The following NFKBIE variants were observed in gnomAD, a reference collection of about 807,000 sequenced individuals.
NFKBIE encodes the protein NF-kappa-B inhibitor epsilon.
NFKBIE carries 11 observed loss-of-function variants against 31.6 expected under a neutral mutation model. The ratio of observed to expected loss-of-function variants is 0.35; its 90% CI spans 0.22 to 0.58. The LOEUF (loss-of-function observed/expected upper bound fraction) is 0.58, where lower values mean the gene tolerates loss of function less well. Ranked by LOEUF, NFKBIE falls within the 20% of genes least tolerant of loss-of-function variation. NFKBIE has a pLI of 0.83. For synonymous variants in NFKBIE, 208 were observed against 210.1 expected (o/e 0.99, Z 0.09); for missense variants, 354 against 465.7 (o/e 0.76, Z 2.21).
chr6:44,262,552 C>T lies in NFKBIE; in HGVS notation c.468+8G>A, dbSNP rs1186597208. On this transcript the variant is annotated splice_region_variant and intron_variant, in intron 2 of 5. Transcript: ENST00000619360. The stretch of plus-strand genomic sequence containing the variant: ...GGTATCTGGGCATAACATTCTCTCG[C>T]CACCAACCTGGTAAAGGTTATTTTG... 1 of 1,612,700 alleles carries T rather than the reference C, an allele frequency of 6.2e-7. No individual in the cohort carries two copies. The highest frequency in any genetic ancestry group is 8.5e-7 in the Non-Finnish European group (1 of 1,178,812).
At chr6:44,262,805 T>A (rs889481287) in intron 1 of NFKBIE, 143 bp from the exon 2 acceptor site, 1 of 625,388 alleles carries the variant, frequency 1.6e-6, no homozygotes, top group African/African-American at 1.9e-5. Flanking sequence ...GGCCAGGAAG[T>A]GAGGGTTGGT....
intron 1 of NFKBIE, among the ~76,000 whole-genome samples, chr6:44,262,994 C>T (rs1449475120): frequency 6.6e-6 from 1 of 152,186 alleles, no homozygotes; most frequent in Admixed American, 6.5e-5. Flanking sequence ...CAGCTCAAAG[C>T]CAAATTGAAA....
At position 44,258,983 on chromosome 6, in the gene NFKBIE, T is replaced by TG. The variant is rs979905689; in HGVS notation, c.*235dup. ...GCTTCACCCAGGATACCTGGGGCTT[T>TG]GGGGGTCTTCCAAGAAGCCCTGTCC... On this transcript the variant is annotated 3_prime_UTR_variant, in exon 6 of 6. Transcript: ENST00000619360. The TG allele has an allele frequency of 5.1e-6, 2 of 394,908 alleles. No homozygotes were observed. The highest frequency in any genetic ancestry group is 4.8e-6 in the Non-Finnish European group (1 of 208,986). 24.5% of individuals were successfully genotyped at this position (394,908 alleles called of 1,614,324 possible). A position where few individuals can be genotyped will look rare whatever the true frequency, so the allele number is the denominator to read the frequency against.
At chr6:44,262,747 AAACTTT>A in intron 1 of NFKBIE, 85 bp from the exon 2 acceptor site, 1 of 1,009,996 alleles carries the variant, frequency 9.9e-7, no homozygotes, top group Non-Finnish European at 1.6e-6. Context: ...GGAACACATC[AAACTTT>A]AACTAGCTAC....
chr6:44,260,890 C>CACACACACAA lies in NFKBIE; in HGVS notation c.692-352_692-351insTTGTGTGTGT, dbSNP rs1491136566. On this transcript the variant is annotated intron_variant, in intron 3 of 5. Transcript: ENST00000619360. The surrounding 1 kb of genome is among the most constrained non-coding windows in gnomAD (Gnocchi z 5.5). ...ACACACACACACACACACACACACA[C>CACACACACAA]AACCTGCCTTCAAGCCCAGTCTGAA... Among the ~76,000 whole-genome samples, 1 of 141,754 alleles carries CACACACACAA rather than the reference C, an allele frequency of 7.1e-6. No individual in the cohort carries two copies. The highest frequency in any genetic ancestry group is 7.0e-5 in the Admixed American group (1 of 14,332). The allele number at this position is 141,754 out of a possible 152,430, so 93.0% of individuals were successfully genotyped here. A position where few individuals can be genotyped will look rare whatever the true frequency, so the allele number is the denominator to read the frequency against.
Position 44,259,264 on chromosome 6 carries a change from A to G in NFKBIE, c.1041T>C (p.Phe347=), listed in dbSNP as rs766864666. ...LTEESLVLLP[F]DDLKISGKLL... is the part of the protein sequence containing the mutation. The stretch of plus-strand genomic sequence containing the variant: ...GTTTCCCTGAGATCTTCAGGTCATC[A>G]AAGGGCAAAAGGACAAGGGACTGAG... Residue 347 remains phenylalanine (F), a synonymous_variant, in exon 6 of 6, where the codon TTT becomes TTC. Transcript: ENST00000619360. 61 of 1,613,344 alleles carry G rather than the reference A, an allele frequency of 3.8e-5. No individual in the cohort carries two copies. The Admixed American group carries it at 4.0e-4, about 11-fold the overall frequency.
At chr6:44,264,433 G>T (rs1782038863) in intron 1 of NFKBIE, among the ~76,000 whole-genome samples, 1 of 152,198 alleles carries the variant, frequency 6.6e-6, no homozygotes, top group African/African-American at 2.4e-5. Flanking sequence ...AGAGGAGGAA[G>T]TAAGCTGGGG....
chr6:44,259,362 T>C, intron 5 of NFKBIE, 78 bp from the exon 6 acceptor site: 4 of 1,058,176 alleles, frequency 3.8e-6, no homozygotes, highest in South Asian at 1.3e-5. Context: ...CAGGGAAACC[T>C]GTTGGGCCAC....
rs1781847272 is a variant in NFKBIE at position 44,260,263 on chromosome 6, G to C, written c.800C>G (p.Thr267Arg). The change falls in exon 5 of 6, where the codon ACA becomes AGA. Residue 267 changes from threonine to arginine, a missense_variant. Thr to Arg is a moderately conservative substitution (Grantham distance 71). Around this residue, in one of 2 missense-constraint regions of NFKBIE, gnomAD observed 183 missense variants for 310.6 expected, o/e 0.59. Transcript: ENST00000619360. The surrounding 1 kb of genome is among the most constrained non-coding windows in gnomAD (Gnocchi z 5.5). ...GGTTTCCACAGCCAGGTGCAGCGCT[G>C]TCTTACCACTGGTGCCCTCCTGGGG... is the stretch of plus-strand genomic sequence containing the variant. ...IDVQEGTSGK[T>R]ALHLAVETQE... The C allele has an allele frequency of 6.2e-7, 1 of 1,610,706 alleles. No individual in the cohort carries two copies. Among genetic ancestry groups the C allele is most frequent in the African/African-American group, 1.3e-5 (1 of 74,878 alleles).
In NFKBIE at chr6:44,265,238, C is replaced by A; in HGVS notation, c.109G>T (p.Ala37Ser). ...GGGCTGCCGTCCGAGGGCCCGGAGG[C>A]TGGAGCCGAGGTGGACTCGGGTAGG... ...RSLPESTSAP[A>S]SGPSDGSPQP... Residue 37 changes from alanine to serine, a missense_variant, in exon 1 of 6, where the codon GCC becomes TCC. Physicochemically the swap from Ala to Ser is moderately conservative, Grantham distance 99 (BLOSUM62 1). Transcript: ENST00000619360. 1 of 1,552,660 alleles carries A rather than the reference C, an allele frequency of 6.4e-7. No individual in the cohort carries two copies. Among genetic ancestry groups the A allele is most frequent in the South Asian group, 1.2e-5 (1 of 84,172 alleles).
rs1040108263 is a variant in NFKBIE, at chr6:44,258,988, G to A, written c.*231C>T. The stretch of plus-strand genomic sequence containing the variant: ...ACCCAGGATACCTGGGGCTTTGGGG[G>A]TCTTCCAAGAAGCCCTGTCCACCTG... On this transcript the variant is annotated 3_prime_UTR_variant, in exon 6 of 6. Transcript: ENST00000619360. 8 of 404,344 alleles carry A rather than the reference G, an allele frequency of 2.0e-5. No individual in the cohort carries two copies. The highest frequency in any genetic ancestry group is 3.5e-5 in the Admixed American group (1 of 28,728). 25.0% of individuals were successfully genotyped at this position (404,344 alleles called of 1,614,324 possible). A position where few individuals can be genotyped will look rare whatever the true frequency, so the allele number is the denominator to read the frequency against.
rs1310199420 is a variant in NFKBIE at position 44,263,011 on chromosome 6, G to A, written c.366-349C>T. Reference sequence around the variant, plus strand: ...GCTCAAAGCCAAATTGAAAGCTGCCGAAGTAGTCCAGAGGGGGTTTCCAGG... The same window carrying A: ...GCTCAAAGCCAAATTGAAAGCTGCCAAAGTAGTCCAGAGGGGGTTTCCAGG... On this transcript the variant is annotated intron_variant, in intron 1 of 5. Coordinates refer to ENST00000619360, the MANE Select transcript of NFKBIE (RefSeq NM_004556.3). The surrounding 1 kb of genome is among the most constrained non-coding windows in gnomAD (Gnocchi z 5.0). 2.6e-5 allele frequency among the ~76,000 whole-genome samples: 4 copies of A among 152,212 alleles called. No homozygotes were observed. In the South Asian group the frequency reaches 6.2e-4, roughly 24 times the overall value.
rs912032745 is a variant in NFKBIE, at chr6:44,261,166, C to A, written c.691+460G>T. 2.6e-5 allele frequency among the ~76,000 whole-genome samples: 4 copies of A among 152,192 alleles called. No individual in the cohort carries two copies. The highest frequency in any genetic ancestry group is 5.9e-5 in the Non-Finnish European group (4 of 68,040). The stretch of plus-strand genomic sequence containing the variant: ...TAACAATCATATCAACTCTCCTACT[C>A]CCCACATTCCTTCCTCTCACTCTGC... On this transcript the variant is annotated intron_variant, in intron 3 of 5. Transcript: ENST00000619360. The surrounding 1 kb of genome is among the most constrained non-coding windows in gnomAD (Gnocchi z 4.3).
Position 44,261,906 on chromosome 6 carries a change from C to T in NFKBIE, c.469-58G>A, listed in dbSNP as rs1351729582. The T allele has an allele frequency of 6.8e-7, 1 of 1,470,140 alleles. No individual in the cohort carries two copies. The highest frequency in any genetic ancestry group is 1.4e-5 in the African/African-American group (1 of 71,794). 91.1% of individuals were successfully genotyped at this position (1,470,140 alleles called of 1,614,324 possible). A position where few individuals can be genotyped will look rare whatever the true frequency, so the allele number is the denominator to read the frequency against. On this transcript the variant is annotated intron_variant, in intron 2 of 5. Coordinates refer to ENST00000619360, the MANE Select transcript of NFKBIE (RefSeq NM_004556.3). This position sits in a 1 kb window ranked among gnomAD's most constrained non-coding sequence, Gnocchi z 4.3. ...TGCAGCATGCTCCCACCTCTGGGAA[C>T]ATGCTTGGGCTCAAGAATCACCAGC...
Position 44,261,534 on chromosome 6 carries a change from T to C in NFKBIE, c.691+92A>G. On this transcript the variant is annotated intron_variant, in intron 3 of 5. Transcript: ENST00000619360. This position sits in a 1 kb window ranked among gnomAD's most constrained non-coding sequence, Gnocchi z 4.3. The stretch of plus-strand genomic sequence containing the variant: ...GTGGGAGGGGCACCAATGGACAAGC[T>C]GGGACCCTCCCTTCCCCAAGAGTGA... The C allele has an allele frequency of 7.3e-7, 1 of 1,363,812 alleles. No individual in the cohort carries two copies. Among genetic ancestry groups the C allele is most frequent in the Non-Finnish European group, 1.0e-6 (1 of 976,766 alleles). The allele number at this position is 1,363,812 out of a possible 1,614,324, so 84.5% of individuals were successfully genotyped here.
chr6:44,260,862 C>CACACACACACACACACACAG lies in NFKBIE; in HGVS notation c.692-324_692-323insCTGTGTGTGTGTGTGTGTGT, dbSNP rs1781881406. Among the ~76,000 whole-genome samples, 8 of 15,704 alleles carry CACACACACACACACACACAG rather than the reference C, an allele frequency of 5.1e-4. No individual in the cohort carries two copies. Among genetic ancestry groups the CACACACACACACACACACAG allele is most frequent in the South Asian group, 3.7e-3 (1 of 268 alleles). The allele number at this position is 15,704 out of a possible 152,430, so 10.3% of individuals were successfully genotyped here. On this transcript the variant is annotated intron_variant, in intron 3 of 5. Coordinates refer to ENST00000619360, the MANE Select transcript of NFKBIE (RefSeq NM_004556.3). This position sits in a 1 kb window ranked among gnomAD's most constrained non-coding sequence, Gnocchi z 5.5. ...ACACACACACACACACACATACAGA[C>CACACACACACACACACACAG]ACACACACACACACACACACACACA... is the stretch of plus-strand genomic sequence containing the variant.
In NFKBIE at chr6:44,261,477, G is replaced by T; in HGVS notation, c.691+149C>A. ...ATCAAATCATCCATTCATTCATTTG[G>T]CAAAGATGTACTGAATATCTATGTG... On this transcript the variant is annotated intron_variant, in intron 3 of 5. Coordinates refer to ENST00000619360, the MANE Select transcript of NFKBIE (RefSeq NM_004556.3). The surrounding 1 kb of genome is among the most constrained non-coding windows in gnomAD (Gnocchi z 4.3). 1.4e-6 allele frequency: 1 copy of T among 729,656 alleles called. No individual in the cohort carries two copies. Among genetic ancestry groups the T allele is most frequent in the Non-Finnish European group, 2.2e-6 (1 of 444,474 alleles). 45.2% of individuals were successfully genotyped at this position (729,656 alleles called of 1,614,324 possible).
At position 44,265,336 on chromosome 6, in the gene NFKBIE, G is replaced by A. The variant is rs769415987; in HGVS notation, c.11C>T (p.Ala4Val). 3.8e-5 allele frequency: 59 copies of A among 1,554,484 alleles called. No individual in the cohort carries two copies. In the African/African-American group the frequency reaches 7.3e-4, roughly 19 times the overall value. Reference protein sequence around the residue: MSEARKGPDEAEES... With the variant: MSEVRKGPDEAEES... ...CTCCGCCTCGTCCGGCCCCTTCCGC[G>A]CCTCCGACATGCCCGCGGCTCTGGC... Residue 4 changes from alanine (A) to valine (V), a missense_variant, in exon 1 of 6, where the codon GCG (alanine) becomes GTG (valine). By Grantham distance (64) the Ala-to-Val change is moderately conservative. Transcript: ENST00000619360.
At chr6:44,259,348 G>A in intron 5 of NFKBIE, 64 bp from the exon 6 acceptor site, 3 of 1,332,298 alleles carry the variant, frequency 2.3e-6, no homozygotes, top group African/African-American at 2.9e-5. Flanking sequence ...TGGGAAAGGG[G>A]ACCCAGGGAA....
Sources: allele counts gnomAD v4.1 joint callset (sites outside exome capture counted in the v4.1 genomes callset), GRCh38; gene constraint gnomAD v4.1.1; regional missense constraint gnomAD v4.1.1; non-coding constraint Gnocchi (gnomAD v3.1); transcripts MANE v1.5; gene names NCBI Gene and HGNC (gene_info 2026-07-23, HGNC 2026-07-21).